DLGAP2: variants seen among roughly 807,000 people sequenced by gnomAD.
DLGAP2 encodes the protein disks large-associated protein 2.
A neutral mutation model predicts 100.3 loss-of-function variants in DLGAP2; 26 were observed. The ratio of observed to expected loss-of-function variants is 0.26; its 90% CI spans 0.19 to 0.36. The LOEUF (loss-of-function observed/expected upper bound fraction) is 0.36, where lower values mean the gene tolerates loss of function less well. Ranked by LOEUF, DLGAP2 falls within the 10% of genes least tolerant of loss-of-function variation. The pLI is 1.00. For synonymous variants in DLGAP2, 886 were observed against 630.1 expected, an observed-to-expected ratio of 1.41 and a Z score of -6.08; for missense variants, 1,858 against 1,453.2, an observed-to-expected ratio of 1.28 and a Z score of -4.53.
chr8:1,207,643 A>G (rs1218412114), intron 2 of DLGAP2, among the ~76,000 whole-genome samples: 1 of 152,164 alleles, frequency 6.6e-6, no homozygotes, highest in Admixed American at 6.5e-5. Context: ...GAGTCTCCAC[A>G]CTGTTTTCCG....
chr8:1,593,369 C>T (rs1462387399), intron 6 of DLGAP2, among the ~76,000 whole-genome samples: 1 of 152,018 alleles, frequency 6.6e-6, no homozygotes, highest in Non-Finnish European at 1.5e-5. Context: ...GCAGGAGAAT[C>T]ACGTGAACCC....
At chr8:1,677,507 A>G (rs1368485075) in intron 11 of DLGAP2, among the ~76,000 whole-genome samples, 1 of 152,142 alleles carries the variant, frequency 6.6e-6, no homozygotes, top group Non-Finnish European at 1.5e-5. Flanking sequence ...AGCTGGGACT[A>G]TGTAGACACA....
At chr8:1,679,724 G>A (rs1352273239) in intron 12 of DLGAP2, among the ~76,000 whole-genome samples, 2 of 152,210 alleles carry the variant, frequency 1.3e-5, no homozygotes, top group African/African-American at 4.8e-5. Flanking sequence ...GCTCACGCCT[G>A]TAATTCCAGC....
chr8:1,538,312 C>G (rs768744955), intron 4 of DLGAP2, among the ~76,000 whole-genome samples: 48 of 152,302 alleles, frequency 3.2e-4, no homozygotes, highest in Non-Finnish European at 5.9e-4. Flanking sequence ...GCAGTACTCC[C>G]TTGAGCTCCA....
chr8:984,632 C>A (rs760579375), intron 2 of DLGAP2, among the ~76,000 whole-genome samples: 2 of 152,146 alleles, frequency 1.3e-5, no homozygotes, highest in African/African-American at 2.4e-5. Context: ...CCAAGAACAG[C>A]GGTGTAAAGA....
intron 3 of DLGAP2, among the ~76,000 whole-genome samples, chr8:1,306,394 G>A (rs533276176): frequency 6.6e-6 from 1 of 151,888 alleles, no homozygotes; most frequent in South Asian, 2.1e-4. Flanking sequence ...GAGGAGAGAG[G>A]CTGTACACTG....
chr8:1,151,517 T>G (rs992557926), intron 2 of DLGAP2, among the ~76,000 whole-genome samples: 1 of 152,154 alleles, frequency 6.6e-6, no homozygotes, highest in Non-Finnish European at 1.5e-5. Flanking sequence ...TAAGGCTTGT[T>G]TGCAGATCCT....
At chr8:1,376,541 A>C (rs1802392342) in intron 3 of DLGAP2, among the ~76,000 whole-genome samples, 2 of 152,208 alleles carry the variant, frequency 1.3e-5, no homozygotes, top group Admixed American at 1.3e-4. Context: ...TTTCAGAAGA[A>C]GACGCTCCCT....
At chr8:911,257 T>G (rs1798478840) in intron 2 of DLGAP2, among the ~76,000 whole-genome samples, 1 of 152,198 alleles carries the variant, frequency 6.6e-6, no homozygotes. Flanking sequence ...TGGATTCTGT[T>G]TCTTAGGATG....
intron 2 of DLGAP2, among the ~76,000 whole-genome samples, chr8:973,360 G>C (rs1392913202): frequency 2.6e-5 from 4 of 152,104 alleles, no homozygotes; most frequent in East Asian, 3.9e-4. Context: ...CCCAGACGGG[G>C]TGGCTGCCGG....
intron 1 of DLGAP2, among the ~76,000 whole-genome samples, chr8:900,268 G>A (rs1383801200): frequency 2.0e-5 from 3 of 147,864 alleles, no homozygotes; most frequent in East Asian, 4.1e-4. Flanking sequence ...GACGGTCGGC[G>A]CCATCCTGTT....
chr8:1,122,652 G>C (rs2129047836), intron 2 of DLGAP2, among the ~76,000 whole-genome samples: 1 of 152,252 alleles, frequency 6.6e-6, no homozygotes, highest in South Asian at 2.1e-4. Flanking sequence ...AGGTAGAACT[G>C]ATACTTCTCT....
At chr8:1,333,121 T>G (rs1000141748) in intron 3 of DLGAP2, among the ~76,000 whole-genome samples, 1 of 152,120 alleles carries the variant, frequency 6.6e-6, no homozygotes, top group Non-Finnish European at 1.5e-5. Context: ...CCTAAGCAGA[T>G]GGACCTCCGG....
rs554368451 is a variant in DLGAP2, at chr8:1,460,493, C to G, written c.107-40873C>G. Reference sequence around the variant, plus strand: ...GAAGCCAGCAGAGCAGGGGACGCCTCTCCTTCCCCTCTGTCACGGCTGCCT... The same window carrying G: ...GAAGCCAGCAGAGCAGGGGACGCCTGTCCTTCCCCTCTGTCACGGCTGCCT... On this transcript the variant is annotated intron_variant, in intron 3 of 14. Transcript: ENST00000637795. Among the ~76,000 whole-genome samples, 6 of 152,286 alleles carry G rather than the reference C, an allele frequency of 3.9e-5. No homozygotes were observed. In the East Asian group the frequency reaches 5.8e-4, roughly 15 times the overall value.
chr8:1,378,409 G>C (rs1032716884), intron 3 of DLGAP2, among the ~76,000 whole-genome samples: 2 of 136,422 alleles, frequency 1.5e-5, no homozygotes, highest in Admixed American at 7.4e-5. Context: ...ACCTGACTTC[G>C]CCTGTCCGTC....
chr8:1,618,446 G>A (rs183867948), intron 6 of DLGAP2, among the ~76,000 whole-genome samples: 1 of 152,286 alleles, frequency 6.6e-6, no homozygotes, highest in Non-Finnish European at 1.5e-5. Flanking sequence ...TCAGTAATGT[G>A]AAGATGTGAA....
At position 739,334 on chromosome 8, in the gene DLGAP2, C is replaced by T. The variant is rs551982162; in HGVS notation, c.18+1509C>T. ...GGCGGAGCCCGACAATCCGCCCTGTCAGGAGGAATCTCATCAACAGCCCGT... is the reference window on the plus strand; with the variant it reads ...GGCGGAGCCCGACAATCCGCCCTGTTAGGAGGAATCTCATCAACAGCCCGT... On this transcript the variant is annotated intron_variant, in intron 1 of 14. Transcript: ENST00000637795. 5 of 152,412 alleles carry T rather than the reference C, an allele frequency of 3.3e-5. No individual in the cohort carries two copies. In the East Asian group the frequency reaches 9.7e-4, roughly 29 times the overall value. The allele number at this position is 152,412 out of a possible 1,614,324, so 9.4% of individuals were successfully genotyped here. A position where few individuals can be genotyped will look rare whatever the true frequency, so the allele number is the denominator to read the frequency against.
chr8:1,677,357 C>T (rs887840976), intron 11 of DLGAP2, among the ~76,000 whole-genome samples: 2 of 152,306 alleles, frequency 1.3e-5, no homozygotes, highest in South Asian at 2.1e-4. Flanking sequence ...GGGCAGGCTG[C>T]CTTCCATCCT....
intron 3 of DLGAP2, among the ~76,000 whole-genome samples, chr8:1,428,941 T>G (rs1043251807): frequency 1.3e-5 from 2 of 152,196 alleles, no homozygotes; most frequent in African/African-American, 2.4e-5. Context: ...CTTGTTTTCC[T>G]GAGGTTTGGG....
Sources: allele counts gnomAD v4.1 joint callset (sites outside exome capture counted in the v4.1 genomes callset), GRCh38; gene constraint gnomAD v4.1.1; transcripts MANE v1.5; gene names NCBI Gene and HGNC (gene_info 2026-07-23, HGNC 2026-07-21).